GALNTL6: variants seen among roughly 807,000 people sequenced by gnomAD.
GALNTL6 encodes polypeptide N-acetylgalactosaminyltransferase like 6, also known as polypeptide N-acetylgalactosaminyltransferase-like 6.
Under a neutral mutation model 73.7 loss-of-function variants are expected in GALNTL6, and 46 were observed. That is an observed-to-expected ratio of 0.62 (90% confidence interval 0.49 to 0.80). GALNTL6 has a LOEUF of 0.80. Among genes scored for constraint, GALNTL6 ranks in the 30% least tolerant of loss-of-function variants. GALNTL6 has a pLI of 0.00. For missense variants in GALNTL6, 604 were observed against 755.0 expected (o/e 0.80, Z 2.34); for synonymous variants, 259 against 263.7 (o/e 0.98, Z 0.17).
intron 11 of GALNTL6, among the ~76,000 whole-genome samples, chr4:173,020,149 C>T (rs1397957076): frequency 1.3e-5 from 2 of 152,210 alleles, no homozygotes; most frequent in Non-Finnish European, 2.9e-5. Flanking sequence ...CATTTTCACA[C>T]TTAAGGATTT....
intron 8 of GALNTL6, among the ~76,000 whole-genome samples, chr4:172,888,054 T>G (rs558872949): frequency 6.6e-6 from 1 of 152,202 alleles, no homozygotes; most frequent in Non-Finnish European, 1.5e-5. Flanking sequence ...CACTTGTTGA[T>G]TCATTTAGGT....
intron 3 of GALNTL6, among the ~76,000 whole-genome samples, chr4:172,292,626 C>T (rs1054274906): frequency 6.6e-6 from 1 of 151,784 alleles, no homozygotes; most frequent in African/African-American, 2.4e-5. Context: ...CAGCTGATAA[C>T]CTATAGTTAT....
rs572214907 is a variant in GALNTL6, at chr4:172,924,822, T to C, written c.1042-6339T>C. On this transcript the variant is annotated intron_variant, in intron 8 of 12. Coordinates refer to ENST00000506823, the MANE Select transcript of GALNTL6 (RefSeq NM_001034845.3). ...TGCCCTAAGAGCAGTAGAAAACCACTGAAGGATTTTGATAGAGGAATGGTA... is the reference window on the plus strand; with the variant it reads ...TGCCCTAAGAGCAGTAGAAAACCACCGAAGGATTTTGATAGAGGAATGGTA... Among the ~76,000 whole-genome samples the C allele has an allele frequency of 2.6e-5, 4 of 152,282 alleles. No homozygotes were observed. In the East Asian group the frequency reaches 7.7e-4, roughly 29 times the overall value.
At chr4:172,939,574 T>C (rs539271665) in intron 9 of GALNTL6, among the ~76,000 whole-genome samples, 3 of 152,242 alleles carry the variant, frequency 2.0e-5, no homozygotes, top group Non-Finnish European at 4.4e-5. Context: ...GTGCCTACTA[T>C]GTGCCAGGCA....
intron 2 of GALNTL6, among the ~76,000 whole-genome samples, chr4:172,178,210 A>G (rs1735108848): frequency 6.6e-6 from 1 of 152,130 alleles, no homozygotes; most frequent in African/African-American, 2.4e-5. Context: ...AATTAGAGAT[A>G]ATAACTGTTT....
chr4:172,620,563 A>C (rs894577870), intron 5 of GALNTL6, among the ~76,000 whole-genome samples: 1 of 152,224 alleles, frequency 6.6e-6, no homozygotes, highest in Non-Finnish European at 1.5e-5. Context: ...GCAAGCACCG[A>C]AGACAGAATT....
chr4:171,870,273 A>G (rs1736101198), intron 2 of GALNTL6, among the ~76,000 whole-genome samples: 7 of 152,192 alleles, frequency 4.6e-5, no homozygotes, highest in Admixed American at 3.9e-4. Context: ...TGATGCCCAG[A>G]AAGTATCCTT....
At chr4:172,369,086 C>G (rs1813631) in intron 5 of GALNTL6, among the ~76,000 whole-genome samples, 150,483 of 152,062 alleles carry the variant, frequency 0.99, 74,455 homozygotes, top group Middle Eastern at 1. Flanking sequence ...CCCTTATGTG[C>G]CCCCCCCCAC....
intron 10 of GALNTL6, among the ~76,000 whole-genome samples, chr4:172,970,770 A>G (rs1437558657): frequency 6.6e-6 from 1 of 152,236 alleles, no homozygotes; most frequent in East Asian, 1.9e-4. Flanking sequence ...GATTAAAGTA[A>G]AGACAGGCAT....
chr4:171,820,581 G>T (rs560438687), intron 2 of GALNTL6, among the ~76,000 whole-genome samples: 39 of 152,228 alleles, frequency 2.6e-4, no homozygotes, highest in Non-Finnish European at 4.0e-4. Context: ...ATCCACAATA[G>T]GTAGGTAGGG....
chr4:172,999,267 T>C (rs932396126), intron 10 of GALNTL6, among the ~76,000 whole-genome samples: 8 of 152,188 alleles, frequency 5.3e-5, no homozygotes, highest in Non-Finnish European at 1.0e-4. Flanking sequence ...GGGCCACTCC[T>C]GCGAGGGCTG....
At chr4:172,612,993 C>T (rs1738585878) in intron 5 of GALNTL6, among the ~76,000 whole-genome samples, 1 of 152,062 alleles carries the variant, frequency 6.6e-6, no homozygotes, top group Non-Finnish European at 1.5e-5. Context: ...TTACCCCTCT[C>T]CCTGCAGTCA....
chr4:172,312,179 AC>A, intron 4 of GALNTL6, among the ~76,000 whole-genome samples: 1 of 152,160 alleles, frequency 6.6e-6, no homozygotes, highest in Non-Finnish European at 1.5e-5. Flanking sequence ...CATAAAGAAT[AC>A]CCTAAATGAA....
intron 2 of GALNTL6, among the ~76,000 whole-genome samples, chr4:171,942,980 TA>T (rs1439639639): frequency 2.0e-5 from 3 of 152,198 alleles, no homozygotes; most frequent in African/African-American, 7.2e-5. Context: ...AGCAGAGCCT[TA>T]TTTACTGGTA....
intron 2 of GALNTL6, among the ~76,000 whole-genome samples, chr4:172,140,670 C>T (rs1041149164): frequency 6.6e-6 from 1 of 152,014 alleles, no homozygotes; most frequent in Non-Finnish European, 1.5e-5. Context: ...ATGTTAGTCT[C>T]ACTAACTCTA....
At chr4:172,807,662 C>G (rs144010120) in intron 5 of GALNTL6, among the ~76,000 whole-genome samples, 4 of 152,232 alleles carry the variant, frequency 2.6e-5, no homozygotes, top group Non-Finnish European at 4.4e-5. Context: ...TTGTGGAGCT[C>G]CCTCCCAGGC....
chr4:172,243,893 G>T lies in GALNTL6; in HGVS notation c.247+14129G>T, dbSNP rs991792988. Among the ~76,000 whole-genome samples the T allele has an allele frequency of 1.3e-5, 2 of 152,036 alleles. 1 individual carries two copies. Among genetic ancestry groups the T allele is most frequent in the Non-Finnish European group, 2.9e-5 (2 of 67,992 alleles). ...CCATTTGGGTGAGACTGACTATATT[G>T]CCTTCAGAAAGTAAAAATAGCAACC... On this transcript the variant is annotated intron_variant, in intron 3 of 12. Transcript: ENST00000506823.
chr4:172,768,358 A>G (rs1738561208), intron 5 of GALNTL6, among the ~76,000 whole-genome samples: 1 of 152,198 alleles, frequency 6.6e-6, no homozygotes, highest in Admixed American at 6.5e-5. Flanking sequence ...CAGTGATACC[A>G]GTGGGGTATG....
chr4:172,449,257 G>A (rs556584452), intron 5 of GALNTL6, among the ~76,000 whole-genome samples: 16 of 152,128 alleles, frequency 1.1e-4, no homozygotes, highest in African/African-American at 2.2e-4. Flanking sequence ...AGGTCATTCC[G>A]TCCATGTACT....
Sources: allele counts gnomAD v4.1 joint callset (sites outside exome capture counted in the v4.1 genomes callset), GRCh38; gene constraint gnomAD v4.1.1; transcripts MANE v1.5; gene names NCBI Gene and HGNC (gene_info 2026-07-23, HGNC 2026-07-21).